SLC4A4: variants seen among roughly 807,000 people sequenced by gnomAD.
The protein encoded by SLC4A4 is electrogenic sodium bicarbonate cotransporter 1.
SLC4A4 carries 27 observed loss-of-function variants against 111.5 expected under a neutral mutation model. That is an observed-to-expected ratio of 0.24 (90% confidence interval 0.18 to 0.33). The LOEUF (loss-of-function observed/expected upper bound fraction) is 0.33. Ranked by LOEUF, SLC4A4 falls within the 10% of genes least tolerant of loss-of-function variation. The pLI is 1.00. For synonymous variants in SLC4A4, 443 were observed against 463.4 expected (o/e 0.96, Z 0.57); for missense variants, 909 against 1,315.5 (o/e 0.69, Z 4.78).
intron 7 of SLC4A4, among the ~76,000 whole-genome samples, chr4:71,419,354 G>T (rs986811515): frequency 6.6e-6 from 1 of 152,066 alleles, no homozygotes; most frequent in Non-Finnish European, 1.5e-5. Context: ...CCACCCAGTT[G>T]GAGCTTCCCT....
chr4:71,421,964 G>A (rs1179203124), intron 7 of SLC4A4, among the ~76,000 whole-genome samples: 1 of 152,116 alleles, frequency 6.6e-6, no homozygotes, highest in African/African-American at 2.4e-5. Context: ...AAAGCTAGCA[G>A]AAGGCAAGAA....
chr4:71,290,004 G>C (rs1724211648), intron 3 of SLC4A4, among the ~76,000 whole-genome samples: 1 of 152,202 alleles, frequency 6.6e-6, no homozygotes. Context: ...GGTGGAGAAA[G>C]TATTAGGGAG....
intron 6 of SLC4A4, among the ~76,000 whole-genome samples, chr4:71,387,783 G>A (rs576563064): frequency 2.6e-5 from 4 of 152,242 alleles, no homozygotes; most frequent in East Asian, 1.9e-4. Flanking sequence ...GTGAGCCACC[G>A]TGCCTGGCCT....
intron 2 of SLC4A4, among the ~76,000 whole-genome samples, chr4:71,146,481 G>A (rs1309493766): frequency 6.6e-6 from 1 of 152,170 alleles, no homozygotes; most frequent in Non-Finnish European, 1.5e-5. Context: ...GTGCAGAGCT[G>A]AGTTCAATTC....
chr4:71,558,316 A>G lies in SLC4A4; in HGVS notation c.2937+431A>G, dbSNP rs573048964. On this transcript the variant is annotated intron_variant, in intron 22 of 25. Coordinates refer to ENST00000264485, the MANE Select transcript of SLC4A4 (RefSeq NM_001098484.3). Reference sequence around the variant, plus strand: ...TAGGACATTTCAGTTCAAGTAATAAAGAAGTGCTTGGCAACTTGTGAGAAC... The same window carrying G: ...TAGGACATTTCAGTTCAAGTAATAAGGAAGTGCTTGGCAACTTGTGAGAAC... Among the ~76,000 whole-genome samples the G allele has an allele frequency of 2.0e-4, 30 of 152,112 alleles. No homozygotes were observed. In the South Asian group the frequency reaches 3.5e-3, roughly 18 times the overall value.
intron 1 of SLC4A4, among the ~76,000 whole-genome samples, chr4:71,069,985 CAAAT>C (rs1488687847): frequency 6.6e-6 from 1 of 152,194 alleles, no homozygotes; most frequent in Non-Finnish European, 1.5e-5. Context: ...TCCTGTCTCA[CAAAT>C]AACCCTCATA....
intron 7 of SLC4A4, among the ~76,000 whole-genome samples, chr4:71,421,818 C>T (rs540155667): frequency 2.2e-3 from 340 of 152,220 alleles, no homozygotes; most frequent in African/African-American, 7.7e-3. Context: ...ACCAGAATCT[C>T]TGGGACACAT....
chr4:71,158,397 C>T (rs958024829), intron 2 of SLC4A4, among the ~76,000 whole-genome samples: 3 of 152,130 alleles, frequency 2.0e-5, no homozygotes, highest in Non-Finnish European at 4.4e-5. Context: ...GACTAATCAA[C>T]ACCACTGATC....
chr4:71,221,686 A>T (rs1003036361), intron 1 of SLC4A4, among the ~76,000 whole-genome samples: 2 of 152,194 alleles, frequency 1.3e-5, no homozygotes, highest in African/African-American at 2.4e-5. Context: ...TCAAGTGGCA[A>T]CAACTTGAGT....
Position 71,438,514 on chromosome 4 carries a change from C to CA in SLC4A4, c.808-2098dup, listed in dbSNP as rs1724375981. ...ACAAACTATGTCACTGAGTCAGTGA[C>CA]AAAACCAAGTCTTCTGATTTTTCCT... is the stretch of plus-strand genomic sequence containing the variant. On this transcript the variant is annotated intron_variant, in intron 7 of 25. Transcript: ENST00000264485. Among the ~76,000 whole-genome samples, 7 of 152,208 alleles carry CA rather than the reference C, an allele frequency of 4.6e-5. No homozygotes were observed. The South Asian group carries it at 1.5e-3, about 32-fold the overall frequency.
chr4:71,223,859 C>T (rs1335720619), intron 1 of SLC4A4, among the ~76,000 whole-genome samples: 6 of 152,108 alleles, frequency 3.9e-5, no homozygotes, highest in African/African-American at 1.4e-4. Flanking sequence ...CTTCTGTTCC[C>T]TTCCGAACTC....
chr4:71,065,325 G>T (rs1741488730), intron 1 of SLC4A4, among the ~76,000 whole-genome samples: 1 of 145,546 alleles, frequency 6.9e-6, no homozygotes, highest in Non-Finnish European at 1.6e-5. Flanking sequence ...GGGGTATTTT[G>T]CCCATCGTCA....
intron 4 of SLC4A4, among the ~76,000 whole-genome samples, chr4:71,346,968 G>A (rs1729383400): frequency 6.6e-6 from 1 of 152,026 alleles, no homozygotes; most frequent in African/African-American, 2.4e-5. Context: ...GCTAAACTGA[G>A]CTATGAGATA....
rs562247233 is a variant in SLC4A4 at position 71,517,187 on chromosome 4, C to T, written c.2167-14875C>T. On this transcript the variant is annotated intron_variant, in intron 16 of 25. Transcript: ENST00000264485. ...TATTTCTTTAAATAAACTTCCTACC[C>T]CTTTGTCTCTCTCTTTTTCTTCTTG... 1.2e-4 allele frequency among the ~76,000 whole-genome samples: 19 copies of T among 152,106 alleles called. No homozygotes were observed. In the South Asian group the frequency reaches 3.9e-3, roughly 32 times the overall value.
chr4:71,109,802 C>T (rs140564336), intron 2 of SLC4A4, among the ~76,000 whole-genome samples: 2 of 152,174 alleles, frequency 1.3e-5, no homozygotes, highest in East Asian at 1.9e-4. Flanking sequence ...CTCGGCCTCC[C>T]GAAGTGCTGG....
chr4:71,195,266 T>TG (rs1374897512), intron 1 of SLC4A4, among the ~76,000 whole-genome samples: 2 of 144,782 alleles, frequency 1.4e-5, no homozygotes, highest in Admixed American at 1.4e-4. Context: ...AAAGAGCTTA[T>TG]GGGGGTCTTG....
chr4:71,352,093 C>CT (rs962347296), intron 5 of SLC4A4, among the ~76,000 whole-genome samples: 12 of 152,238 alleles, frequency 7.9e-5, no homozygotes, highest in Non-Finnish European at 1.0e-4. Flanking sequence ...GTTCCATTGT[C>CT]TTTTTTCATT....
intron 6 of SLC4A4, among the ~76,000 whole-genome samples, chr4:71,359,808 A>C (rs939188403): frequency 6.6e-6 from 1 of 152,214 alleles, no homozygotes; most frequent in Non-Finnish European, 1.5e-5. Flanking sequence ...TAATATCTCC[A>C]TGTAAAGCTT....
intron 14 of SLC4A4, among the ~76,000 whole-genome samples, chr4:71,481,801 G>C (rs192190615): frequency 2.4e-4 from 37 of 151,798 alleles, no homozygotes; most frequent in African/African-American, 8.9e-4. Flanking sequence ...TACATGGGAA[G>C]GAGGAAAGAG....
Sources: gnomAD v4.1 joint callset for allele counts (sites outside exome capture counted in the v4.1 genomes callset) on GRCh38, gnomAD v4.1.1 for gene constraint, MANE v1.5 for transcripts, NCBI Gene and HGNC (gene_info 2026-07-23, HGNC 2026-07-21) for gene names.